The following RNF144A variants were observed in gnomAD, a reference collection of about 807,000 sequenced individuals.
RNF144A encodes the protein E3 ubiquitin-protein ligase RNF144A.
Under a neutral mutation model 38.7 loss-of-function variants are expected in RNF144A, and 11 were observed. The observed-to-expected ratio is 0.28, with a 90% confidence interval of 0.18 to 0.47. The LOEUF (loss-of-function observed/expected upper bound fraction) is 0.47, where lower values mean the gene tolerates loss of function less well. Among genes scored for constraint, RNF144A ranks in the 20% least tolerant of loss-of-function variants. The probability of loss-of-function intolerance (pLI) is 0.99; values close to 1 mark genes in which losing one functional copy is unlikely to be tolerated. For synonymous variants in RNF144A, 149 were observed against 143.9 expected, an observed-to-expected ratio of 1.04 and a Z score of -0.25; for missense variants, 316 against 377.2, an observed-to-expected ratio of 0.84 and a Z score of 1.34.
Position 7,041,871 on chromosome 2 carries a change from A to T in RNF144A, c.*2111A>T. 1 of 985,454 alleles carries T rather than the reference A, an allele frequency of 1.0e-6. No individual in the cohort carries two copies. The highest frequency in any genetic ancestry group is 1.2e-6 in the Non-Finnish European group (1 of 829,954). 61.0% of individuals were successfully genotyped at this position (985,454 alleles called of 1,614,324 possible). A position where few individuals can be genotyped will look rare whatever the true frequency, so the allele number is the denominator to read the frequency against. ...CTGCATCCCCAGGGCTAGAGCTCAG[A>T]TGACCTTATTTCTAGAGGGACAGGC... On this transcript the variant is annotated 3_prime_UTR_variant, in exon 9 of 9. Coordinates refer to ENST00000320892, the MANE Select transcript of RNF144A (RefSeq NM_014746.6).
chr2:7,057,017 A>AG (rs1477056585), intron 6 of RNF144A, among the ~76,000 whole-genome samples: 2 of 152,110 alleles, frequency 1.3e-5, no homozygotes, highest in Non-Finnish European at 2.9e-5. Flanking sequence ...TCTCACCCCC[A>AG]GGGGGTCCTG....
At chr2:6,986,235 T>C (rs914500905) in intron 2 of RNF144A, among the ~76,000 whole-genome samples, 1 of 151,776 alleles carries the variant, frequency 6.6e-6, no homozygotes, top group African/African-American at 2.4e-5. Flanking sequence ...TTCCCAAAGC[T>C]TGCAATAAAA....
chr2:6,978,515 G>A (rs1668442978), intron 2 of RNF144A: 1 of 152,268 alleles, frequency 6.6e-6, no homozygotes, highest in Non-Finnish European at 1.5e-5. Flanking sequence ...ACACAGACTT[G>A]TGTTATTGTG....
chr2:6,982,953 T>G (rs1462261453), intron 2 of RNF144A, among the ~76,000 whole-genome samples: 1 of 152,224 alleles, frequency 6.6e-6, no homozygotes, highest in African/African-American at 2.4e-5. Context: ...GCTTATGATT[T>G]GCTTGTCATT....
intron 3 of RNF144A, among the ~76,000 whole-genome samples, chr2:7,000,835 C>CATATATTTTAT (rs1558420575): frequency 1.3e-5 from 2 of 150,392 alleles, no homozygotes; most frequent in Non-Finnish European, 3.0e-5. Context: ...TACATATACA[C>CATATATTTTAT]ATATATTTTA....
At chr2:7,066,599 A>G (rs959813926) in intron 6 of RNF144A, among the ~76,000 whole-genome samples, 5 of 152,234 alleles carry the variant, frequency 3.3e-5, no homozygotes, top group African/African-American at 1.2e-4. Flanking sequence ...ACAATTGAAA[A>G]CACTGGATAT....
At chr2:6,922,123 G>C (rs1343316555) in intron 1 of RNF144A, among the ~76,000 whole-genome samples, 2 of 152,046 alleles carry the variant, frequency 1.3e-5, no homozygotes, top group African/African-American at 4.8e-5. Flanking sequence ...TCCTCCTCCA[G>C]TTCTACCTGG....
At chr2:7,007,424 A>C (rs1478936386) in intron 3 of RNF144A, among the ~76,000 whole-genome samples, 1 of 152,188 alleles carries the variant, frequency 6.6e-6, no homozygotes, top group Non-Finnish European at 1.5e-5. Flanking sequence ...ATTGTCTCAC[A>C]CTCAGCCTCT....
chr2:6,990,603 A>C lies in RNF144A; in HGVS notation c.-11-6313A>C, dbSNP rs545835105. Among the ~76,000 whole-genome samples the C allele has an allele frequency of 1.3e-4, 20 of 151,444 alleles. No individual in the cohort carries two copies. The South Asian group carries it at 4.2e-3, about 32-fold the overall frequency. On this transcript the variant is annotated intron_variant, in intron 2 of 8. Transcript: ENST00000320892. ...CACACACACACACACACACACACAC[A>C]GATATATAGACTTCTAGATGTGCTA...
chr2:7,026,848 G>C (rs933959140), intron 7 of RNF144A, among the ~76,000 whole-genome samples: 1 of 152,196 alleles, frequency 6.6e-6, no homozygotes, highest in African/African-American at 2.4e-5. Flanking sequence ...TGCTAATGGA[G>C]AGGAACCAGG....
chr2:7,055,304 C>T (rs1673696738), intron 6 of RNF144A, among the ~76,000 whole-genome samples: 1 of 152,218 alleles, frequency 6.6e-6, no homozygotes, highest in Non-Finnish European at 1.5e-5. Flanking sequence ...TGCAGTTTCA[C>T]ACACTGAATG....
chr2:7,014,650 G>A (rs552738235), intron 4 of RNF144A, 62 bp from the exon 5 acceptor site: 119 of 1,540,138 alleles, frequency 7.7e-5, no homozygotes, highest in South Asian at 1.2e-4. Flanking sequence ...TTGGGTGTGC[G>A]TTGCATTATA....
chr2:7,050,143 T>G (rs549792302), intron 6 of RNF144A, among the ~76,000 whole-genome samples: 2 of 152,272 alleles, frequency 1.3e-5, no homozygotes, highest in East Asian at 3.9e-4. Flanking sequence ...CCTGATATGG[T>G]TTGGCTGTGT....
At chr2:7,021,930 T>C (rs1345351373) in intron 6 of RNF144A, among the ~76,000 whole-genome samples, 2 of 152,254 alleles carry the variant, frequency 1.3e-5, no homozygotes, top group Non-Finnish European at 2.9e-5. Context: ...CTCATTTAAA[T>C]TATTGTCCAA....
chr2:6,997,386 G>A (rs899510660), intron 3 of RNF144A, among the ~76,000 whole-genome samples: 3 of 152,204 alleles, frequency 2.0e-5, no homozygotes, highest in African/African-American at 7.2e-5. Context: ...TATATCAAAT[G>A]TATTTTAATA....
rs1157049142 is a variant in RNF144A at position 6,947,769 on chromosome 2, G to C, written c.-12+6622G>C. Among the ~76,000 whole-genome samples, 7 of 152,220 alleles carry C rather than the reference G, an allele frequency of 4.6e-5. No homozygotes were observed. The East Asian group carries it at 1.3e-3, about 29-fold the overall frequency. On this transcript the variant is annotated intron_variant, in intron 2 of 8. Transcript: ENST00000320892. Reference sequence around the variant, plus strand: ...CAGGCCACACAGTGCCAATGAGAGGGTCTGTGGGAAGAGGTGGAGCTCGAG... The same window carrying C: ...CAGGCCACACAGTGCCAATGAGAGGCTCTGTGGGAAGAGGTGGAGCTCGAG...
rs1371839970 is a variant in RNF144A, at chr2:6,958,968, C to T, written c.-12+17821C>T. 7.2e-5 allele frequency among the ~76,000 whole-genome samples: 11 copies of T among 152,224 alleles called. No homozygotes were observed. In the South Asian group the frequency reaches 1.0e-3, roughly 14 times the overall value. On this transcript the variant is annotated intron_variant, in intron 2 of 8. Transcript: ENST00000320892. The surrounding 1 kb of genome is among the most constrained non-coding windows in gnomAD (Gnocchi z 4.5). ...GCATTAGATCATCTTGCAGGTGCAG[C>T]GTGGGCGTCCAGTTACTGCTCTCCG...
intron 7 of RNF144A, 32 bp from the exon 8 acceptor site, chr2:7,030,094 G>T (rs780323566): frequency 2.7e-6 from 4 of 1,490,496 alleles, no homozygotes; most frequent in Non-Finnish European, 3.7e-6. Flanking sequence ...GGAACCACTC[G>T]TTCATGCCGT....
At chr2:7,024,614 C>A in intron 7 of RNF144A, 98 bp downstream of exon 7, 1 of 1,383,266 alleles carries the variant, frequency 7.2e-7, no homozygotes, top group Non-Finnish European at 9.9e-7. Flanking sequence ...GAGCTTGGTG[C>A]CTACTCCTGT....
Sources: gnomAD v4.1 joint callset for allele counts (sites outside exome capture counted in the v4.1 genomes callset) on GRCh38, gnomAD v4.1.1 for gene constraint, Gnocchi (gnomAD v3.1) non-coding constraint, MANE v1.5 for transcripts, NCBI Gene and HGNC (gene_info 2026-07-23, HGNC 2026-07-21) for gene names.